PDK1: variants seen among roughly 807,000 people sequenced by gnomAD.
PDK1 encodes [Pyruvate dehydrogenase (acetyl-transferring)] kinase isozyme 1, mitochondrial.
In PDK1, 39 loss-of-function variants were observed where a neutral mutation model predicts 54.2. The observed-to-expected ratio is 0.72, with a 90% CI of 0.56 to 0.94. The LOEUF (loss-of-function observed/expected upper bound fraction) is 0.94, where lower values mean the gene tolerates loss of function less well. Among genes scored for constraint, PDK1 ranks in the 40% least tolerant of loss-of-function variants. The pLI, the probability that PDK1 is intolerant of heterozygous loss-of-function variation, is 0.00. For missense variants in PDK1, 552 were observed against 566.0 expected, an observed-to-expected ratio of 0.98 and a Z score of 0.25; for synonymous variants, 221 against 207.1, an observed-to-expected ratio of 1.07 and a Z score of -0.58.
chr2:172,697,227 T>C, the PDK1 span, among the ~76,000 whole-genome samples: 54 of 152,110 alleles, frequency 3.6e-4, no homozygotes, highest in Admixed American at 3.4e-3. Flanking sequence ...CAAAAATCAC[T>C]AAGTCAAGAA....
the PDK1 span, among the ~76,000 whole-genome samples, chr2:172,701,434 G>A: frequency 6.6e-6 from 1 of 152,204 alleles, no homozygotes; most frequent in Non-Finnish European, 1.5e-5. Flanking sequence ...TATAAAGTTT[G>A]TTGGAGTGGA....
chr2:172,679,694 T>TA, the PDK1 span, among the ~76,000 whole-genome samples: 6 of 152,042 alleles, frequency 3.9e-5, no homozygotes, highest in Non-Finnish European at 5.9e-5. Context: ...TAGCTTATTG[T>TA]ATATTAACAT....
intron 2 of PDK1, among the ~76,000 whole-genome samples, chr2:172,561,413 G>A (rs2149197702): frequency 6.6e-6 from 1 of 152,340 alleles, no homozygotes; most frequent in East Asian, 1.9e-4. Context: ...TGGAATTACA[G>A]GTTTTTAAAG....
the PDK1 span, among the ~76,000 whole-genome samples, chr2:172,621,807 A>G: frequency 2.6e-5 from 3 of 113,718 alleles, 1 homozygote; most frequent in African/African-American, 8.1e-5. Context: ...ATATGTTTAT[A>G]TCTCATATGT....
At chr2:172,692,901 T>G in the PDK1 span, among the ~76,000 whole-genome samples, 1 of 152,224 alleles carries the variant, frequency 6.6e-6, no homozygotes, top group African/African-American at 2.4e-5. Flanking sequence ...AACTCACCAT[T>G]TTATTACACA....
the PDK1 span, among the ~76,000 whole-genome samples, chr2:172,649,918 G>A: frequency 6.6e-6 from 1 of 152,132 alleles, no homozygotes; most frequent in Non-Finnish European, 1.5e-5. Flanking sequence ...CACTCTTCAG[G>A]ATATTATCCA....
the PDK1 span, among the ~76,000 whole-genome samples, chr2:172,721,189 A>G: frequency 6.6e-6 from 1 of 152,202 alleles, no homozygotes; most frequent in South Asian, 2.1e-4. Context: ...TTGGATTTCA[A>G]GCTACCTAGT....
chr2:172,693,093 C>T, the PDK1 span, among the ~76,000 whole-genome samples: 4 of 152,250 alleles, frequency 2.6e-5, no homozygotes, highest in African/African-American at 7.2e-5. Flanking sequence ...AGGACCAGCT[C>T]ACCCCACAGT....
chr2:172,634,178 A>G, the PDK1 span, among the ~76,000 whole-genome samples: 2,368 of 149,024 alleles, frequency 0.016, 64 homozygotes, highest in African/African-American at 0.055. Context: ...GCGCCTGGTC[A>G]AGTCTATGAT....
At chr2:172,664,755 C>G in the PDK1 span, among the ~76,000 whole-genome samples, 4 of 148,552 alleles carry the variant, frequency 2.7e-5, no homozygotes, top group Non-Finnish European at 4.4e-5. Context: ...TTATTCTCCT[C>G]ATAGTTTGCC....
chr2:172,611,428 A>C (rs148245974), downstream of PDK1, among the ~76,000 whole-genome samples: 49 of 152,360 alleles, frequency 3.2e-4, 3 homozygotes, highest in African/African-American at 1.2e-3. Context: ...ACTAGGTGTC[A>C]CTGAAGAATT....
At position 172,556,297 on chromosome 2, in the gene PDK1, C is replaced by A. The variant is rs1486666655; in HGVS notation, c.147C>A (p.Tyr49Ter). The change falls in exon 1 of 11, where the codon TAC becomes TAA. Residue 49 changes from tyrosine (Y) to a stop codon, truncating the protein, a stop_gained. Transcript: ENST00000282077. LOFTEE classifies it high-confidence loss of function. ...ERGVPGQVDF[Y>*]ARFSPSPLSM... ...GCGTTCCGGGCCAGGTGGACTTCTA[C>A]GCGCGCTTCTCGCCGTCCCCGCTCT... is the stretch of plus-strand genomic sequence containing the variant. The A allele has an allele frequency of 8.6e-6, 13 of 1,509,506 alleles. No homozygotes were observed. The East Asian group carries it at 3.3e-4, about 38-fold the overall frequency. The allele number at this position is 1,509,506 out of a possible 1,614,324, so 93.5% of individuals were successfully genotyped here.
intron 10 of PDK1, 34 bp from the exon 11 acceptor site, chr2:172,595,795 C>A: frequency 1.3e-6 from 2 of 1,573,790 alleles, no homozygotes; most frequent in Non-Finnish European, 1.7e-6. Context: ...TAAAAAATGC[C>A]AGACTTAATA....
chr2:172,622,152 A>C, the PDK1 span, among the ~76,000 whole-genome samples: 7 of 133,058 alleles, frequency 5.3e-5, no homozygotes, highest in African/African-American at 1.1e-4. Flanking sequence ...ATATGTTTAT[A>C]TCATATATTA....
In PDK1 at chr2:172,595,864, G is replaced by A; in HGVS notation, c.1206G>A (p.Val402=). The change falls in exon 11 of 11, where the codon GTG becomes GTA. Residue 402 remains valine, a synonymous_variant. Coordinates refer to ENST00000282077, the MANE Select transcript of PDK1 (RefSeq NM_002610.5). ...LSTDSIERLP[V]YNKAAWKHYN... ...CAGACTCAATAGAAAGACTCCCAGT[G>A]TATAACAAAGCTGCCTGGAAGCATT... The A allele has an allele frequency of 4.3e-6, 7 of 1,613,842 alleles. No individual in the cohort carries two copies. Among genetic ancestry groups the A allele is most frequent in the South Asian group, 1.1e-5 (1 of 91,076 alleles).
At chr2:172,611,650 C>G (rs1395977211), downstream of PDK1, among the ~76,000 whole-genome samples, 3 of 152,162 alleles carry the variant, frequency 2.0e-5, no homozygotes, top group Non-Finnish European at 4.4e-5. Flanking sequence ...AGGCAAAACT[C>G]CCGCCAAAAT....
intron 9 of PDK1, among the ~76,000 whole-genome samples, chr2:172,588,169 CA>C (rs1179279998): frequency 1.3e-5 from 2 of 152,192 alleles, no homozygotes; most frequent in South Asian, 2.1e-4. Context: ...TGTCAAGGGG[CA>C]GACAGACAAT....
At position 172,570,798 on chromosome 2, in the gene PDK1, C is replaced by G. The variant is rs777145616; in HGVS notation, c.919C>G (p.Leu307Val). 1 of 1,607,466 alleles carries G rather than the reference C, an allele frequency of 6.2e-7. No homozygotes were observed. Among genetic ancestry groups the G allele is most frequent in the South Asian group, 1.1e-5 (1 of 90,800 alleles). Residue 307 changes from leucine (L) to valine (V), a missense_variant, in exon 8 of 11, where the codon CTG (leucine) becomes GTG (valine). Coordinates refer to ENST00000282077, the MANE Select transcript of PDK1 (RefSeq NM_002610.5). ...VYPPIQVHVTLGNEDLTVKMS... is the reference protein window; with the variant it reads ...VYPPIQVHVTVGNEDLTVKMS... ...CCCCCCTATTCAAGTTCATGTCACG[C>G]TGGGTAATGAGGATTTGACTGTGAA...
At chr2:172,609,886 A>G (rs1265821959), downstream of PDK1, among the ~76,000 whole-genome samples, 1 of 151,932 alleles carries the variant, frequency 6.6e-6, no homozygotes, top group African/African-American at 2.4e-5. Flanking sequence ...CAGTGGTGTG[A>G]TCTCAGCTCA....
Sources: allele counts gnomAD v4.1 joint callset (sites outside exome capture counted in the v4.1 genomes callset), GRCh38; gene constraint gnomAD v4.1.1; transcripts MANE v1.5; gene names NCBI Gene and HGNC (gene_info 2026-07-23, HGNC 2026-07-21).